Variants in AGK observed in about 807,000 individuals in gnomAD.
AGK encodes acylglycerol kinase, also known as acylglycerol kinase, mitochondrial.
Under a neutral mutation model 66.4 loss-of-function variants are expected in AGK, and 52 were observed. The ratio of observed to expected loss-of-function variants is 0.78; its 90% CI spans 0.63 to 0.99. The LOEUF (loss-of-function observed/expected upper bound fraction) is 0.99, where lower values mean the gene tolerates loss of function less well. Among genes scored for constraint, AGK ranks in the 50% least tolerant of loss-of-function variants. The pLI, the probability that AGK is intolerant of heterozygous loss-of-function variation, is 0.00. For missense variants in AGK, 451 were observed against 506.6 expected (o/e 0.89, Z 1.05); for synonymous variants, 182 against 181.1 (o/e 1.00, Z -0.04).
chr7:141,558,377 C>A (rs917123114), intron 2 of AGK, among the ~76,000 whole-genome samples: 10 of 151,472 alleles, frequency 6.6e-5, no homozygotes, highest in Non-Finnish European at 1.5e-4. Context: ...TGTTGGCCCG[C>A]TGGTCTCGAA....
chr7:141,650,250 C>T (rs1797522981), intron 14 of AGK, among the ~76,000 whole-genome samples: 1 of 152,232 alleles, frequency 6.6e-6, no homozygotes, highest in African/African-American at 2.4e-5. Flanking sequence ...GATTTTCTTG[C>T]TGTATCTATA....
chr7:141,608,407 T>C (rs1796509150), intron 5 of AGK, among the ~76,000 whole-genome samples: 1 of 152,170 alleles, frequency 6.6e-6, no homozygotes, highest in Non-Finnish European at 1.5e-5. Context: ...GCTGTGATAC[T>C]GCATGTCCAA....
intron 10 of AGK, among the ~76,000 whole-genome samples, chr7:141,634,568 G>A (rs1470386456): frequency 4.6e-5 from 7 of 152,168 alleles, no homozygotes; most frequent in Non-Finnish European, 1.0e-4. Context: ...AGAATCCATT[G>A]TATGCAATGA....
At chr7:141,579,625 G>T (rs1299801312) in intron 2 of AGK, among the ~76,000 whole-genome samples, 3 of 151,888 alleles carry the variant, frequency 2.0e-5, no homozygotes, top group Non-Finnish European at 4.4e-5. Flanking sequence ...AAGGGAGGGG[G>T]CCTGAACAAT....
At chr7:141,617,251 G>C (rs1587132972) in intron 8 of AGK, among the ~76,000 whole-genome samples, 2 of 152,190 alleles carry the variant, frequency 1.3e-5, no homozygotes, top group Middle Eastern at 3.4e-3. Context: ...TTTCCTTGGA[G>C]ACCCCTTGCC....
intron 11 of AGK, among the ~76,000 whole-genome samples, chr7:141,639,972 A>G (rs1231679104): frequency 6.6e-6 from 1 of 152,200 alleles, no homozygotes; most frequent in Admixed American, 6.5e-5. Flanking sequence ...ACTTGAAAGT[A>G]ATTGACTATC....
At chr7:141,596,901 G>A (rs1796238952) in intron 4 of AGK, 1 of 435,484 alleles carries the variant, frequency 2.3e-6, no homozygotes, top group African/African-American at 2.0e-5. Context: ...TTATTTGCTT[G>A]GAAGTAGTCC....
chr7:141,572,993 C>T (rs965257862), intron 2 of AGK, among the ~76,000 whole-genome samples: 22 of 152,330 alleles, frequency 1.4e-4, no homozygotes, highest in African/African-American at 4.8e-4. Flanking sequence ...TCTGACTTTG[C>T]AGTCAATGGT....
At position 141,587,458 on chromosome 7, in the gene AGK, A is replaced by G. The variant is rs566376312; in HGVS notation, c.102-5688A>G. ...CTTATGGCCCTTAGGGTAAAATCCAAATTACTTAAATAGCTGAAAATGTCC... is the reference window on the plus strand; with the variant it reads ...CTTATGGCCCTTAGGGTAAAATCCAGATTACTTAAATAGCTGAAAATGTCC... On this transcript the variant is annotated intron_variant, in intron 2 of 15. Coordinates refer to ENST00000649286, the MANE Select transcript of AGK (RefSeq NM_018238.4). Among the ~76,000 whole-genome samples the G allele has an allele frequency of 4.6e-5, 7 of 152,238 alleles. No homozygotes were observed. The South Asian group carries it at 1.0e-3, about 23-fold the overall frequency.
chr7:141,623,656 G>C (rs1186804528), intron 9 of AGK, among the ~76,000 whole-genome samples: 1 of 152,232 alleles, frequency 6.6e-6, no homozygotes, highest in African/African-American at 2.4e-5. Flanking sequence ...AAAGTGCAAG[G>C]TGGAGCAGCA....
intron 3 of AGK, chr7:141,593,531 C>T: frequency 1.7e-6 from 1 of 605,672 alleles, no homozygotes; most frequent in Non-Finnish European, 2.9e-6. Flanking sequence ...GAATAACCCC[C>T]AAGGATATCA....
Position 141,653,791 on chromosome 7 carries a change from C to CTAAG in AGK, c.*869_*872dup, listed in dbSNP as rs930035945. 6.6e-6 allele frequency: 1 copy of CTAAG among 152,172 alleles called. No individual in the cohort carries two copies. Among genetic ancestry groups the CTAAG allele is most frequent in the African/African-American group, 2.4e-5 (1 of 41,436 alleles). 9.4% of individuals were successfully genotyped at this position (152,172 alleles called of 1,614,324 possible). On this transcript the variant is annotated 3_prime_UTR_variant, in exon 16 of 16. Coordinates refer to ENST00000649286, the MANE Select transcript of AGK (RefSeq NM_018238.4). ...TCTAAGTTGATATCTAAAATTTTAT[C>CTAAG]TAAGTTGGTATCTAAAATTTTTCAT... is the stretch of plus-strand genomic sequence containing the variant.
chr7:141,589,772 C>A (rs796233458), intron 2 of AGK, among the ~76,000 whole-genome samples: 10 of 152,232 alleles, frequency 6.6e-5, no homozygotes, highest in African/African-American at 2.4e-4. Context: ...GTTGGTCAAG[C>A]TGGTCTCGAA....
chr7:141,646,257 T>C (rs1264884124), intron 13 of AGK, among the ~76,000 whole-genome samples: 5 of 152,038 alleles, frequency 3.3e-5, no homozygotes, highest in African/African-American at 1.2e-4. Flanking sequence ...GACAGGTGCA[T>C]GCATGTGAGA....
chr7:141,573,340 G>C (rs1307786898), intron 2 of AGK, among the ~76,000 whole-genome samples: 1 of 151,838 alleles, frequency 6.6e-6, no homozygotes, highest in African/African-American at 2.4e-5. Context: ...AGATTATCCA[G>C]AAAGCAGATT....
rs201739398 is a variant in AGK at position 141,604,360 on chromosome 7, A to ATGTG, written c.297+3092_297+3095dup. ...CATGTATGTGTGTGCATATGTATGAATGTGTGTGTGTGTGTATATATATAT... is the reference window on the plus strand; with the variant it reads ...CATGTATGTGTGTGCATATGTATGAATGTGTGTGTGTGTGTGTGTATATATATAT... On this transcript the variant is annotated intron_variant, in intron 5 of 15. Coordinates refer to ENST00000649286, the MANE Select transcript of AGK (RefSeq NM_018238.4). Among the ~76,000 whole-genome samples the ATGTG allele has an allele frequency of 3.4e-3, 384 of 113,618 alleles. 4 individuals are homozygous for ATGTG. The highest frequency in any genetic ancestry group is 0.012 in the African/African-American group (373 of 31,068). The allele number at this position is 113,618 out of a possible 152,430, so 74.5% of individuals were successfully genotyped here.
chr7:141,554,556 T>C (rs1795167404), intron 1 of AGK, among the ~76,000 whole-genome samples: 1 of 152,172 alleles, frequency 6.6e-6, no homozygotes, highest in African/African-American at 2.4e-5. Flanking sequence ...TGAACAAATA[T>C]TTCTTAAACA....
At chr7:141,642,378 C>A (rs944608176) in intron 13 of AGK, among the ~76,000 whole-genome samples, 36 of 152,238 alleles carry the variant, frequency 2.4e-4, no homozygotes, top group African/African-American at 8.4e-4. Context: ...TATGCACTAT[C>A]CCATACGGTA....
intron 2 of AGK, among the ~76,000 whole-genome samples, chr7:141,558,904 A>AT (rs1481746495): frequency 6.6e-6 from 1 of 152,194 alleles, no homozygotes; most frequent in African/African-American, 2.4e-5. Flanking sequence ...TTTCACATGC[A>AT]TGTTGGCCAT....
Sources: allele counts gnomAD v4.1 joint callset (sites outside exome capture counted in the v4.1 genomes callset), GRCh38; gene constraint gnomAD v4.1.1; transcripts MANE v1.5; gene names NCBI Gene and HGNC (gene_info 2026-07-23, HGNC 2026-07-21).